Variants in STAMBP observed in about 807,000 individuals in gnomAD.
STAMBP encodes the protein STAM-binding protein.
A neutral mutation model predicts 50.7 loss-of-function variants in STAMBP; 31 were observed. That is an observed-to-expected ratio of 0.61 (90% CI 0.46 to 0.83). The LOEUF (loss-of-function observed/expected upper bound fraction) is 0.83. STAMBP is among the 40% of genes least tolerant of loss of function. The probability of loss-of-function intolerance (pLI) is 0.00; values close to 1 mark genes in which losing one functional copy is unlikely to be tolerated. For synonymous variants in STAMBP, 211 were observed against 192.4 expected (o/e 1.10, Z -0.80); for missense variants, 472 against 518.9 (o/e 0.91, Z 0.88).
rs565948613 is a variant in STAMBP, at chr2:73,861,504, T to TTTTTTG, written c.1219-671_1219-666dup. Among the ~76,000 whole-genome samples, 226 of 151,364 alleles carry TTTTTTG rather than the reference T, an allele frequency of 1.5e-3. 2 individuals carry two copies. Among genetic ancestry groups the TTTTTTG allele is most frequent in the East Asian group, 0.014 (74 of 5,114 alleles). ...TAGAATGAACATTTTAAATAAGGGT[T>TTTTTTG]TTTTTGTTTTTGTTTTTGTTTTTGT... is the stretch of plus-strand genomic sequence containing the variant. On this transcript the variant is annotated intron_variant, in intron 9 of 9. Coordinates refer to ENST00000394070, the MANE Select transcript of STAMBP (RefSeq NM_213622.4).
chr2:73,848,465 T>C (rs147571995), intron 5 of STAMBP, among the ~76,000 whole-genome samples: 13 of 152,384 alleles, frequency 8.5e-5, no homozygotes, highest in Middle Eastern at 3.4e-3. Context: ...GATATTCTTA[T>C]CTGAGATAAA....
intron 4 of STAMBP, among the ~76,000 whole-genome samples, chr2:73,846,835 G>A (rs1332915880): frequency 2.0e-5 from 3 of 151,844 alleles, no homozygotes; most frequent in South Asian, 2.1e-4. Flanking sequence ...GAATCCCAGC[G>A]CTTCGGGAGG....
intron 9 of STAMBP, chr2:73,860,561 C>A (rs1194204231): frequency 2.0e-6 from 2 of 986,376 alleles, no homozygotes; most frequent in Non-Finnish European, 2.4e-6. Flanking sequence ...GATTTGAAGG[C>A]AAAGGAAAAG....
rs1290573591 is a variant in STAMBP, at chr2:73,847,698, G to A, written c.687G>A (p.Lys229=). 6.2e-7 allele frequency: 1 copy of A among 1,614,142 alleles called. No homozygotes were observed. ...SDCHTTVRPA[K]PPVVDRSLKP... The stretch of plus-strand genomic sequence containing the variant: ...GTCACACAACTGTAAGGCCAGCTAA[G>A]CCACCTGTGGTGGACAGGTCCTTGA... The change falls in exon 5 of 10, where the codon AAG becomes AAA. Residue 229 remains lysine (K), a synonymous_variant. Transcript: ENST00000394070.
At chr2:73,856,927 C>T (rs1345126959) in intron 7 of STAMBP, among the ~76,000 whole-genome samples, 1 of 152,126 alleles carries the variant, frequency 6.6e-6, no homozygotes, top group African/African-American at 2.4e-5. Context: ...TTCTCACACC[C>T]CACAAGACCC....
chr2:73,830,055 T>C (rs1353152469), intron 1 of STAMBP, among the ~76,000 whole-genome samples: 1 of 152,232 alleles, frequency 6.6e-6, no homozygotes, highest in Non-Finnish European at 1.5e-5. Flanking sequence ...ATTTGGAATC[T>C]GATTCTAACA....
At chr2:73,841,662 A>C (rs1675405646) in intron 2 of STAMBP, among the ~76,000 whole-genome samples, 1 of 152,200 alleles carries the variant, frequency 6.6e-6, no homozygotes, top group South Asian at 2.1e-4. Context: ...AGTGTGGCCC[A>C]GGGAAGCTAA....
At chr2:73,844,948 C>G (rs916675005) in intron 3 of STAMBP, 60 bp downstream of exon 3, 7 of 1,584,394 alleles carry the variant, frequency 4.4e-6, no homozygotes, top group Non-Finnish European at 5.1e-6. Flanking sequence ...AGACTGACTT[C>G]AAGATAAAAG....
intron 7 of STAMBP, among the ~76,000 whole-genome samples, chr2:73,854,840 T>A (rs369733937): frequency 9.9e-5 from 15 of 151,770 alleles, no homozygotes; most frequent in Admixed American, 3.3e-4. Context: ...AAAAAAAAAA[T>A]TATGCATTTG....
chr2:73,851,396 CAATT>C (rs1242998726), intron 7 of STAMBP, among the ~76,000 whole-genome samples: 2 of 152,170 alleles, frequency 1.3e-5, no homozygotes, highest in Non-Finnish European at 1.5e-5. Context: ...AATAAATAGA[CAATT>C]AATAACTTCA....
chr2:73,840,743 CAA>C (rs1207262099), intron 2 of STAMBP, among the ~76,000 whole-genome samples: 2 of 107,170 alleles, frequency 1.9e-5, no homozygotes, highest in Non-Finnish European at 2.0e-5. Flanking sequence ...GACTCTGTCT[CAA>C]AAAAAAAAAA....
chr2:73,849,509 A>G lies in STAMBP; in HGVS notation c.867+22A>G, dbSNP rs1439131477. The G allele has an allele frequency of 2.5e-6, 4 of 1,572,016 alleles. No individual in the cohort carries two copies. In the African/African-American group the frequency reaches 5.5e-5, roughly 22 times the overall value. ...ACTGGTAAAAAGAAAAAAAAAACCA[A>G]ACTCTTCTCTGAACCGAAACTGTTT... On this transcript the variant is annotated intron_variant, in intron 6 of 9. Coordinates refer to ENST00000394070, the MANE Select transcript of STAMBP (RefSeq NM_213622.4).
At chr2:73,847,359 T>C in intron 4 of STAMBP, 28 bp from the exon 5 acceptor site, 1 of 1,568,344 alleles carries the variant, frequency 6.4e-7, no homozygotes. Flanking sequence ...AGGTGTGAAG[T>C]GTTAGCCTAA....
At chr2:73,872,765 G>T (rs190535332) in intron 10 of STAMBP, among the ~76,000 whole-genome samples, 1 of 152,120 alleles carries the variant, frequency 6.6e-6, no homozygotes. Context: ...TAGAAACCTC[G>T]TAGAAAGGAT....
intron 2 of STAMBP, among the ~76,000 whole-genome samples, chr2:73,835,736 T>C (rs763606044): frequency 1.3e-5 from 2 of 152,098 alleles, no homozygotes; most frequent in Non-Finnish European, 2.9e-5. Context: ...GGGTAGTCCA[T>C]GTATTGAGAT....
Position 73,860,024 on chromosome 2 carries a change from C to T in STAMBP, c.1119-28C>T, listed in dbSNP as rs530730124. 39 of 1,572,528 alleles carry T rather than the reference C, an allele frequency of 2.5e-5. No homozygotes were observed. In the South Asian group the frequency reaches 4.0e-4, roughly 16 times the overall value. On this transcript the variant is annotated intron_variant, in intron 8 of 9. Coordinates refer to ENST00000394070, the MANE Select transcript of STAMBP (RefSeq NM_213622.4). Reference sequence around the variant, plus strand: ...GGGATGGAGGGACACCTTTGCTTGACTCTTAGCCTGCCTTTTTTAAATTTC... The same window carrying T: ...GGGATGGAGGGACACCTTTGCTTGATTCTTAGCCTGCCTTTTTTAAATTTC...
chr2:73,854,155 C>A (rs1677239219), intron 7 of STAMBP, among the ~76,000 whole-genome samples: 1 of 152,170 alleles, frequency 6.6e-6, no homozygotes, highest in African/African-American at 2.4e-5. Flanking sequence ...GGAAAAACAT[C>A]CATTCCTCCA....
intron 7 of STAMBP, among the ~76,000 whole-genome samples, chr2:73,856,843 C>T (rs536251681): frequency 3.3e-5 from 5 of 152,296 alleles, no homozygotes; most frequent in African/African-American, 1.2e-4. Context: ...CTTTGTGCAG[C>T]AGGTATGTGC....
chr2:73,842,543 A>G (rs1014511132), intron 2 of STAMBP, among the ~76,000 whole-genome samples: 1 of 152,192 alleles, frequency 6.6e-6, no homozygotes, highest in African/African-American at 2.4e-5. Flanking sequence ...AAATGTATGT[A>G]TAGCTCATAT....
Sources: allele counts gnomAD v4.1 joint callset (sites outside exome capture counted in the v4.1 genomes callset), GRCh38; gene constraint gnomAD v4.1.1; transcripts MANE v1.5; gene names NCBI Gene and HGNC (gene_info 2026-07-23, HGNC 2026-07-21).